The following MAMDC2 variants were observed in gnomAD, a reference collection of about 807,000 sequenced individuals.
The protein encoded by MAMDC2 is MAM domain containing 2.
A neutral mutation model predicts 89.8 loss-of-function variants in MAMDC2; 57 were observed. That is an observed-to-expected ratio of 0.63 (90% CI 0.51 to 0.79). The LOEUF (loss-of-function observed/expected upper bound fraction) is 0.79. Among genes scored for constraint, MAMDC2 ranks in the 30% least tolerant of loss-of-function variants. The pLI is 0.00. For synonymous variants in MAMDC2, 313 were observed against 293.4 expected (o/e 1.07, Z -0.68); for missense variants, 800 against 820.6 (o/e 0.97, Z 0.31).
chr9:70,223,015 T>C (rs1483346761), intron 12 of MAMDC2, among the ~76,000 whole-genome samples: 1 of 151,878 alleles, frequency 6.6e-6, no homozygotes, highest in African/African-American at 2.4e-5. Context: ...GGTGCATGCC[T>C]GTAGCCCCAG....
At chr9:70,101,569 T>C (rs2118222834) in intron 2 of MAMDC2, among the ~76,000 whole-genome samples, 1 of 152,316 alleles carries the variant, frequency 6.6e-6, no homozygotes, top group East Asian at 1.9e-4. Context: ...TTAGGTGTGT[T>C]TAGATACACA....
intron 2 of MAMDC2, among the ~76,000 whole-genome samples, chr9:70,052,005 AT>A (rs925731845): frequency 3.3e-5 from 5 of 152,062 alleles, no homozygotes; most frequent in Non-Finnish European, 5.9e-5. Context: ...GTAAAAAAAA[AT>A]TTTTTTAAAG....
At chr9:70,222,433 A>G (rs2033581343) in intron 12 of MAMDC2, among the ~76,000 whole-genome samples, 1 of 152,160 alleles carries the variant, frequency 6.6e-6, no homozygotes, top group African/African-American at 2.4e-5. Flanking sequence ...GGGCAGGTAG[A>G]GATGGTATTT....
chr9:70,193,947 G>C (rs1443614515), intron 11 of MAMDC2: 2 of 152,114 alleles, frequency 1.3e-5, no homozygotes, highest in East Asian at 3.9e-4. Context: ...AGCTACATTA[G>C]CTGGTCAGTC....
chr9:70,173,759 A>G (rs1480425805), intron 11 of MAMDC2, among the ~76,000 whole-genome samples: 1 of 152,146 alleles, frequency 6.6e-6, no homozygotes, highest in African/African-American at 2.4e-5. Context: ...CACTGAAGGG[A>G]AGGAGTCCCT....
At chr9:70,087,000 C>T (rs983289011) in intron 2 of MAMDC2, 1 of 152,134 alleles carries the variant, frequency 6.6e-6, no homozygotes, top group East Asian at 1.9e-4. Flanking sequence ...AGTGACTGTC[C>T]ACTAACTTTT....
chr9:70,138,462 A>AT (rs767804721), intron 7 of MAMDC2, among the ~76,000 whole-genome samples: 77 of 152,066 alleles, frequency 5.1e-4, no homozygotes, highest in Non-Finnish European at 9.6e-4. Flanking sequence ...TTCTATTTTC[A>AT]TTTTTTTGAG....
intron 2 of MAMDC2, among the ~76,000 whole-genome samples, chr9:70,104,974 T>C (rs1055924077): frequency 4.0e-5 from 6 of 151,414 alleles, no homozygotes; most frequent in African/African-American, 1.5e-4. Context: ...AATATCAATT[T>C]GATTAAGATG....
chr9:70,198,853 A>G lies in MAMDC2; in HGVS notation c.1652-19484A>G, dbSNP rs117108219. Among the ~76,000 whole-genome samples the G allele has an allele frequency of 9.5e-3, 1,444 of 152,246 alleles. 8 individuals are homozygous for G. The highest frequency in any genetic ancestry group is 0.014 in the Non-Finnish European group (947 of 68,006). On this transcript the variant is annotated intron_variant, in intron 11 of 13. Coordinates refer to ENST00000377182, the MANE Select transcript of MAMDC2 (RefSeq NM_153267.5). ...TATTAAATAATGAAGTTTATCTATA[A>G]AAGTTTGCTATGAGACAAAAGAATA...
At chr9:70,134,960 G>A (rs940000218) in intron 7 of MAMDC2, among the ~76,000 whole-genome samples, 12 of 152,116 alleles carry the variant, frequency 7.9e-5, no homozygotes, top group African/African-American at 2.9e-4. Flanking sequence ...AGTACTCTAG[G>A]GGCTGATGAG....
At chr9:70,143,903 T>C in intron 9 of MAMDC2, 84 bp downstream of exon 9, 3 of 1,500,574 alleles carry the variant, frequency 2.0e-6, no homozygotes, top group Non-Finnish European at 2.7e-6. Flanking sequence ...TGTCAACTGG[T>C]GATGTATTAT....
intron 7 of MAMDC2, among the ~76,000 whole-genome samples, chr9:70,133,670 T>G (rs1311126449): frequency 6.6e-6 from 1 of 152,206 alleles, no homozygotes; most frequent in Non-Finnish European, 1.5e-5. Context: ...TTATTTAACT[T>G]CTTTGAGACT....
intron 2 of MAMDC2, among the ~76,000 whole-genome samples, chr9:70,076,056 G>C (rs952332169): frequency 6.6e-6 from 1 of 152,324 alleles, no homozygotes; most frequent in African/African-American, 2.4e-5. Context: ...TGGCAGGTGG[G>C]GGCAGTTGAG....
intron 2 of MAMDC2, among the ~76,000 whole-genome samples, chr9:70,067,307 GC>G (rs1827289584): frequency 6.6e-6 from 1 of 152,144 alleles, no homozygotes; most frequent in South Asian, 2.1e-4. Flanking sequence ...GGAGTAATAA[GC>G]CCTTCAGTCC....
At chr9:70,119,229 G>C (rs986644589) in intron 5 of MAMDC2, among the ~76,000 whole-genome samples, 3 of 151,116 alleles carry the variant, frequency 2.0e-5, no homozygotes, top group African/African-American at 4.9e-5. Context: ...AATGAGGGAT[G>C]CATCTCTTTG....
Position 70,087,500 on chromosome 9 carries a change from A to G in MAMDC2, c.149-20711A>G, listed in dbSNP as rs188054952. 5.9e-5 allele frequency: 9 copies of G among 152,224 alleles called. No homozygotes were observed. The East Asian group carries it at 1.7e-3, about 29-fold the overall frequency. The allele number at this position is 152,224 out of a possible 1,614,324, so 9.4% of individuals were successfully genotyped here. ...ATGGAAAGAAAACTTCTTTTTCCCAATTGCGCTAACAAAATTCTTATAATT... is the reference window on the plus strand; with the variant it reads ...ATGGAAAGAAAACTTCTTTTTCCCAGTTGCGCTAACAAAATTCTTATAATT... On this transcript the variant is annotated intron_variant, in intron 2 of 13. Coordinates refer to ENST00000377182, the MANE Select transcript of MAMDC2 (RefSeq NM_153267.5).
chr9:70,179,888 A>T (rs1044324270), intron 11 of MAMDC2, among the ~76,000 whole-genome samples: 60 of 27,428 alleles, frequency 2.2e-3, no homozygotes, highest in Non-Finnish European at 4.3e-3. Context: ...TTTTTTTTAC[A>T]TTAATTTCTG....
chr9:70,072,703 G>C (rs1284084830), intron 2 of MAMDC2, among the ~76,000 whole-genome samples: 1 of 151,852 alleles, frequency 6.6e-6, no homozygotes, highest in Non-Finnish European at 1.5e-5. Context: ...AGACTGTATT[G>C]TCTCTTTGAG....
intron 11 of MAMDC2, among the ~76,000 whole-genome samples, chr9:70,185,485 A>T (rs2032734149): frequency 6.6e-6 from 1 of 152,174 alleles, no homozygotes; most frequent in South Asian, 2.1e-4. Context: ...AAGTCCACTG[A>T]AGCTGCACCC....
Sources: allele counts gnomAD v4.1 joint callset (sites outside exome capture counted in the v4.1 genomes callset), GRCh38; gene constraint gnomAD v4.1.1; transcripts MANE v1.5; gene names NCBI Gene and HGNC (gene_info 2026-07-23, HGNC 2026-07-21).